Variants in EFCAB10 observed in about 807,000 individuals in gnomAD.
The protein encoded by EFCAB10 is EF-hand calcium-binding domain-containing protein 10.
In EFCAB10, 7 loss-of-function variants were observed where a neutral mutation model predicts 7.7. The observed-to-expected ratio is 0.91, with a 90% CI of 0.52 to 1.72. The LOEUF (loss-of-function observed/expected upper bound fraction) is 1.72, where lower values mean the gene tolerates loss of function less well. Ranked by LOEUF, EFCAB10 falls within the 40% of genes most tolerant of loss-of-function variation. The pLI is 0.00. For missense variants in EFCAB10, 112 were observed against 61.5 expected (o/e 1.82, Z -2.74); for synonymous variants, 52 against 21.0 (o/e 2.47, Z -4.03).
intron 1 of EFCAB10, chr7:105,570,997 C>T (rs771525385): frequency 6.6e-6 from 1 of 151,938 alleles, no homozygotes; most frequent in Non-Finnish European, 1.5e-5. Context: ...AGCACTCCAG[C>T]CTGGGCGACG....
chr7:105,571,577 G>A (rs911855643), intron 1 of EFCAB10: 2 of 152,170 alleles, frequency 1.3e-5, no homozygotes, highest in African/African-American at 4.8e-5. Context: ...AAGGCATTTT[G>A]CTTTTTGAAT....
chr7:105,568,608 G>A (rs1368336647), intron 3 of EFCAB10, among the ~76,000 whole-genome samples: 1 of 152,060 alleles, frequency 6.6e-6, no homozygotes, highest in African/African-American at 2.4e-5. Context: ...CTAGCATATT[G>A]GTGCTTCTTC....
chr7:105,577,715 ATT>A (rs5886360), intron 1 of EFCAB10, among the ~76,000 whole-genome samples: 2 of 140,616 alleles, frequency 1.4e-5, no homozygotes, highest in African/African-American at 2.6e-5. Flanking sequence ...TGTCTGTTCA[ATT>A]TTTTTTTTTT....
intron 1 of EFCAB10, among the ~76,000 whole-genome samples, chr7:105,577,048 G>T (rs901412045): frequency 7.4e-6 from 1 of 135,686 alleles, no homozygotes; most frequent in African/African-American, 3.0e-5. Context: ...GCAAAACTCC[G>T]TCTTAAAAAA....
Position 105,565,332 on chromosome 7 carries a change from G to T in EFCAB10, c.*115C>A. On this transcript the variant is annotated 3_prime_UTR_variant, in exon 5 of 5. Coordinates refer to ENST00000480514, the MANE Select transcript of EFCAB10 (RefSeq NM_001355526.2). ...GGCAGTGATGTCCCTGTCCAGTTCG[G>T]CTTGCCCGTTGCTGCTGACGTTACG... is the stretch of plus-strand genomic sequence containing the variant. 1 of 1,614,194 alleles carries T rather than the reference G, an allele frequency of 6.2e-7. No homozygotes were observed. Among genetic ancestry groups the T allele is most frequent in the South Asian group, 1.1e-5 (1 of 91,080 alleles).
At chr7:105,577,489 C>T (rs1304739091) in intron 1 of EFCAB10, among the ~76,000 whole-genome samples, 2 of 152,036 alleles carry the variant, frequency 1.3e-5, no homozygotes, top group East Asian at 1.9e-4. Context: ...TGATTCCTTT[C>T]AAATTACTCT....
At chr7:105,565,471 G>C (rs530777123) in intron 4 of EFCAB10, 24 bp from the exon 5 acceptor site, 2 of 1,612,312 alleles carry the variant, frequency 1.2e-6, no homozygotes, top group African/African-American at 1.3e-5. Flanking sequence ...AGTAAGAATA[G>C]ACTGTTTTTG....
At chr7:105,566,966 A>C (rs1209321053) in intron 4 of EFCAB10, 5 of 445,576 alleles carry the variant, frequency 1.1e-5, no homozygotes, top group Middle Eastern at 1.1e-3. Context: ...TAGTCTTACC[A>C]TGTTAAAAGA....
At chr7:105,576,587 T>G (rs1332829682) in intron 1 of EFCAB10, among the ~76,000 whole-genome samples, 3 of 152,108 alleles carry the variant, frequency 2.0e-5, no homozygotes, top group Non-Finnish European at 2.9e-5. Flanking sequence ...GGACTACAGG[T>G]GCCTCCCACC....
chr7:105,570,820 C>A (rs982684095), intron 1 of EFCAB10, among the ~76,000 whole-genome samples: 3 of 152,018 alleles, frequency 2.0e-5, no homozygotes, highest in African/African-American at 4.8e-5. Flanking sequence ...GTCGGGAGAT[C>A]GAGACCATCC....
At chr7:105,572,440 A>T (rs1278848752) in intron 1 of EFCAB10, 1 of 152,234 alleles carries the variant, frequency 6.6e-6, no homozygotes, top group Non-Finnish European at 1.5e-5. Context: ...ATCCATGGAC[A>T]CTTAGGCTGA....
intron 1 of EFCAB10, among the ~76,000 whole-genome samples, chr7:105,576,800 T>C (rs1015684440): frequency 6.6e-6 from 1 of 152,142 alleles, no homozygotes; most frequent in Admixed American, 6.5e-5. Context: ...ACACCTGTAA[T>C]CCAAGCACTT....
chr7:105,580,317 T>C (rs956212381), intron 1 of EFCAB10, among the ~76,000 whole-genome samples: 1 of 151,998 alleles, frequency 6.6e-6, no homozygotes, highest in Non-Finnish European at 1.5e-5. Flanking sequence ...ATTACAGGCA[T>C]GCGCTACCAC....
intron 1 of EFCAB10, chr7:105,572,783 CCTT>C (rs1284200060): frequency 1.3e-5 from 2 of 152,308 alleles, no homozygotes; most frequent in Non-Finnish European, 2.9e-5. Context: ...CCTGCCTCGG[CCTT>C]CTGAGTAGCT....
intron 4 of EFCAB10, chr7:105,565,774 C>G (rs1015022732): frequency 3.1e-6 from 2 of 642,952 alleles, no homozygotes; most frequent in Non-Finnish European, 5.4e-6. Flanking sequence ...AAAACATTGT[C>G]TATCTACTGT....
At chr7:105,573,290 TTC>T (rs1791994294) in intron 1 of EFCAB10, 1 of 152,210 alleles carries the variant, frequency 6.6e-6, no homozygotes. Context: ...GTATGAGGTC[TTC>T]TGTTTCTTCT....
intron 1 of EFCAB10, among the ~76,000 whole-genome samples, chr7:105,578,882 C>T (rs1200330498): frequency 6.6e-6 from 1 of 152,162 alleles, no homozygotes; most frequent in Non-Finnish European, 1.5e-5. Flanking sequence ...AAGTGATTCT[C>T]CTGCCAGAGT....
intron 1 of EFCAB10, among the ~76,000 whole-genome samples, chr7:105,570,244 TATA>T (rs1791910043): frequency 6.5e-5 from 2 of 30,846 alleles, no homozygotes; most frequent in Non-Finnish European, 1.2e-4. Context: ...AAAAAAAATA[TATA>T]TATATATATA....
At chr7:105,580,260 T>C (rs1792190113) in intron 1 of EFCAB10, among the ~76,000 whole-genome samples, 2 of 152,146 alleles carry the variant, frequency 1.3e-5, no homozygotes, top group South Asian at 4.1e-4. Context: ...AGCGTTGGTA[T>C]TATAGGCGTG....
Sources: gnomAD v4.1 joint callset for allele counts (sites outside exome capture counted in the v4.1 genomes callset) on GRCh38, gnomAD v4.1.1 for gene constraint, MANE v1.5 for transcripts, NCBI Gene and HGNC (gene_info 2026-07-23, HGNC 2026-07-21) for gene names.